Variants in NMBR observed in about 807,000 individuals in gnomAD.
NMBR encodes the protein neuromedin B receptor.
NMBR carries 16 observed loss-of-function variants against 20.5 expected under a neutral mutation model. The observed-to-expected ratio is 0.78, with a 90% CI of 0.53 to 1.19. The LOEUF is 1.19. Among genes scored for constraint, NMBR ranks in the 50% most tolerant of loss-of-function variants. NMBR has a pLI of 0.00. For synonymous variants in NMBR, 212 were observed against 196.6 expected (o/e 1.08, Z -0.65); for missense variants, 582 against 499.1 (o/e 1.17, Z -1.58).
chr6:142,135,599 C>T (rs995847712), intron 1 of NMBR, among the ~76,000 whole-genome samples: 6 of 150,650 alleles, frequency 4.0e-5, no homozygotes, highest in African/African-American at 1.5e-4. Flanking sequence ...CACCCATTAA[C>T]TCGTCATTTA....
At chr6:142,099,954 A>C (rs1777530029) in intron 1 of NMBR, among the ~76,000 whole-genome samples, 1 of 152,220 alleles carries the variant, frequency 6.6e-6, no homozygotes, top group Non-Finnish European at 1.5e-5. Flanking sequence ...GTAAATAAGC[A>C]TATAAAAAGT....
chr6:142,127,308 A>T (rs1165278847), intron 1 of NMBR, among the ~76,000 whole-genome samples: 1 of 151,686 alleles, frequency 6.6e-6, no homozygotes, highest in Non-Finnish European at 1.5e-5. Context: ...CTTCTGGTGG[A>T]CTTATTTTGG....
At chr6:142,101,014 A>G (rs908214895) in intron 1 of NMBR, among the ~76,000 whole-genome samples, 1 of 152,226 alleles carries the variant, frequency 6.6e-6, no homozygotes, top group Non-Finnish European at 1.5e-5. Context: ...TTCACAAATC[A>G]GGTAGCCTCC....
chr6:142,130,979 G>A (rs1011241817), intron 1 of NMBR, among the ~76,000 whole-genome samples: 1 of 152,132 alleles, frequency 6.6e-6, no homozygotes, highest in Admixed American at 6.6e-5. Context: ...CAAGATTTCA[G>A]AATTGTTATG....
At chr6:142,093,961 G>A (rs191303450) in intron 1 of NMBR, among the ~76,000 whole-genome samples, 94,654 of 148,022 alleles carry the variant, frequency 0.64, 32,258 homozygotes, top group East Asian at 0.87. Flanking sequence ...CTTTTGAGAA[G>A]TGTCTGTTCA....
chr6:142,138,151 A>G (rs1778296282), intron 1 of NMBR, among the ~76,000 whole-genome samples: 1 of 152,144 alleles, frequency 6.6e-6, no homozygotes, highest in African/African-American at 2.4e-5. Context: ...TGCCTTACCA[A>G]CAATCATTTG....
intron 1 of NMBR, among the ~76,000 whole-genome samples, chr6:142,113,291 T>C (rs2114591532): frequency 6.6e-6 from 1 of 152,206 alleles, no homozygotes; most frequent in East Asian, 1.9e-4. Flanking sequence ...GTTCTGAAAA[T>C]AGATTGAATC....
chr6:142,081,287 C>T (rs527643693), intron 2 of NMBR, among the ~76,000 whole-genome samples: 1 of 152,068 alleles, frequency 6.6e-6, no homozygotes, highest in African/African-American at 2.4e-5. Flanking sequence ...TTTTGGCCAA[C>T]ATAAACATTA....
At chr6:142,115,010 A>G (rs900590860) in intron 1 of NMBR, among the ~76,000 whole-genome samples, 4 of 152,184 alleles carry the variant, frequency 2.6e-5, no homozygotes, top group Non-Finnish European at 5.9e-5. Flanking sequence ...CATATTGGCA[A>G]GAAGCTAAAT....
intron 1 of NMBR, among the ~76,000 whole-genome samples, chr6:142,138,765 G>T (rs1304386023): frequency 6.6e-6 from 1 of 152,082 alleles, no homozygotes; most frequent in Non-Finnish European, 1.5e-5. Flanking sequence ...AACTTTGCAA[G>T]GCTGGTACTT....
Position 142,088,642 on chromosome 6 carries a change from A to G in NMBR, c.17T>C (p.Leu6Pro), listed in dbSNP as rs1209715411. 1.9e-6 allele frequency: 3 copies of G among 1,602,084 alleles called. 1 individual carries two copies. In the South Asian group the frequency reaches 3.3e-5, roughly 18 times the overall value. MPSKS[L>P]SNLSVTTGAN... Reference sequence around the variant, plus strand: ...GCCGGTGGTCACCGAGAGGTTGGAAAGAGACTTAGAGGGCATGATCTCCTT... The same window carrying G: ...GCCGGTGGTCACCGAGAGGTTGGAAGGAGACTTAGAGGGCATGATCTCCTT... The change falls in exon 2 of 4, where the codon CTT becomes CCT. Residue 6 changes from leucine (L) to proline (P), a missense_variant. By Grantham distance (98) the Leu-to-Pro change is moderately conservative (BLOSUM62 -3). Coordinates refer to ENST00000258042, the MANE Select transcript of NMBR (RefSeq NM_002511.4).
At chr6:142,132,340 C>T (rs1778158131) in intron 1 of NMBR, among the ~76,000 whole-genome samples, 1 of 152,100 alleles carries the variant, frequency 6.6e-6, no homozygotes, top group East Asian at 1.9e-4. Flanking sequence ...TGTCTTGGTG[C>T]CTGCTGGTCC....
chr6:142,107,875 A>G (rs1777688369), intron 1 of NMBR, among the ~76,000 whole-genome samples: 1 of 152,192 alleles, frequency 6.6e-6, no homozygotes, highest in Non-Finnish European at 1.5e-5. Context: ...TATCAAAAAA[A>G]AAGTAAAAGT....
At chr6:142,108,724 C>G (rs1355533744) in intron 1 of NMBR, among the ~76,000 whole-genome samples, 2 of 152,088 alleles carry the variant, frequency 1.3e-5, no homozygotes, top group Admixed American at 1.3e-4. Flanking sequence ...GGGGACAGAG[C>G]CACACCATAT....
intron 1 of NMBR, among the ~76,000 whole-genome samples, chr6:142,091,510 C>T (rs932547683): frequency 6.6e-6 from 1 of 152,134 alleles, no homozygotes; most frequent in Non-Finnish European, 1.5e-5. Flanking sequence ...TAGGCATGAG[C>T]CATAGCACCC....
At chr6:142,136,058 G>C (rs1195214869) in intron 1 of NMBR, among the ~76,000 whole-genome samples, 1 of 152,218 alleles carries the variant, frequency 6.6e-6, no homozygotes, top group Non-Finnish European at 1.5e-5. Flanking sequence ...CTAGGTCCCT[G>C]AGGAATCGCC....
rs182782493 is a variant in NMBR, at chr6:142,097,484, A to G, written c.-663-8163T>C. Among the ~76,000 whole-genome samples the G allele has an allele frequency of 2.6e-3, 392 of 152,284 alleles. 3 individuals are homozygous for G. The highest frequency in any genetic ancestry group is 8.7e-3 in the African/African-American group (362 of 41,576). Reference sequence around the variant, plus strand: ...ACAAATCCATCATAAATAAAGTCAAAAAATCATAAGTCAAATCATTGTAAG... The same window carrying G: ...ACAAATCCATCATAAATAAAGTCAAGAAATCATAAGTCAAATCATTGTAAG... On this transcript the variant is annotated intron_variant, in intron 1 of 3. Coordinates refer to ENST00000258042, the MANE Select transcript of NMBR (RefSeq NM_002511.4).
chr6:142,133,131 G>A, intron 1 of NMBR: 1 of 658,032 alleles, frequency 1.5e-6, no homozygotes, highest in Admixed American at 2.3e-5. Context: ...TTAACCAACA[G>A]GAATGCCAGG....
chr6:142,093,356 T>A (rs552054325), intron 1 of NMBR, among the ~76,000 whole-genome samples: 12 of 134,724 alleles, frequency 8.9e-5, no homozygotes, highest in South Asian at 2.5e-4. Context: ...CCTGTGTCCA[T>A]GTGTTCTCAT....
Sources: allele counts gnomAD v4.1 joint callset (sites outside exome capture counted in the v4.1 genomes callset), GRCh38; gene constraint gnomAD v4.1.1; transcripts MANE v1.5; gene names NCBI Gene and HGNC (gene_info 2026-07-23, HGNC 2026-07-21).